TBC1D1: variants seen among roughly 807,000 people sequenced by gnomAD.
TBC1D1 encodes TBC1 (tre-2/USP6, BUB2, cdc16) domain family, member 1.
A neutral mutation model predicts 125.6 loss-of-function variants in TBC1D1; 89 were observed. The observed-to-expected ratio is 0.71, with a 90% confidence interval of 0.60 to 0.85. The LOEUF is 0.85. TBC1D1 is among the 40% of genes least tolerant of loss of function. TBC1D1 has a pLI of 0.00. For missense variants in TBC1D1, 1,377 were observed against 1,469.2 expected (o/e 0.94, Z 1.03); for synonymous variants, 565 against 564.1 (o/e 1.00, Z -0.02).
At chr4:38,041,650 C>T (rs1429848057) in intron 8 of TBC1D1, among the ~76,000 whole-genome samples, 1 of 152,132 alleles carries the variant, frequency 6.6e-6, no homozygotes, top group East Asian at 1.9e-4. Flanking sequence ...AATTTGTCAA[C>T]AGGAATAAAT....
At chr4:37,933,660 C>T (rs1014407568) in intron 2 of TBC1D1, among the ~76,000 whole-genome samples, 2 of 152,148 alleles carry the variant, frequency 1.3e-5, no homozygotes, top group African/African-American at 4.8e-5. Flanking sequence ...CTTTCAGTAA[C>T]TATGAGTAGC....
intron 1 of TBC1D1, among the ~76,000 whole-genome samples, chr4:37,901,001 G>C (rs1715851638): frequency 6.6e-6 from 1 of 151,714 alleles, no homozygotes; most frequent in Non-Finnish European, 1.5e-5. Flanking sequence ...GAACCCAGGG[G>C]GTGGAGGTTG....
intron 8 of TBC1D1, 32 bp downstream of exon 8, chr4:38,035,730 C>A: frequency 6.7e-7 from 1 of 1,493,374 alleles, no homozygotes; most frequent in South Asian, 1.2e-5. Context: ...TAATTGTTGC[C>A]AAGTCTCTGC....
At chr4:38,015,141 C>T (rs557028577) in intron 3 of TBC1D1, among the ~76,000 whole-genome samples, 168 bp downstream of exon 3, 13 of 152,294 alleles carry the variant, frequency 8.5e-5, no homozygotes, top group African/African-American at 3.1e-4. Context: ...TTCCTTTAGC[C>T]ATAAGCCTTT....
intron 18 of TBC1D1, among the ~76,000 whole-genome samples, chr4:38,129,455 A>G (rs13119350): frequency 0.12 from 18,597 of 152,242 alleles, 1,247 homozygotes; most frequent in Admixed American, 0.22. Flanking sequence ...AATAACAAGC[A>G]GAGGGACTTT....
intron 12 of TBC1D1, among the ~76,000 whole-genome samples, chr4:38,058,914 T>C (rs1160348338): frequency 6.6e-6 from 1 of 151,932 alleles, no homozygotes; most frequent in Non-Finnish European, 1.5e-5. Flanking sequence ...TAACTAAATA[T>C]AGTGTAAAAA....
rs1181187488 is a variant in TBC1D1 at position 38,137,022 on chromosome 4, C to A, written c.3307-113C>A. 5.2e-6 allele frequency: 8 copies of A among 1,534,670 alleles called. No individual in the cohort carries two copies. In the African/African-American group the frequency reaches 5.5e-5, roughly 10 times the overall value. On this transcript the variant is annotated intron_variant, in intron 19 of 19. Transcript: ENST00000261439. ...AACTGATGATAAACTGTAGACTCAT[C>A]CCTGCTGAAACTCGGCTCCAGAGTG...
chr4:38,038,762 A>T (rs1371632517), intron 8 of TBC1D1, among the ~76,000 whole-genome samples: 1 of 151,914 alleles, frequency 6.6e-6, no homozygotes, highest in Non-Finnish European at 1.5e-5. Context: ...CCTGGCTAAC[A>T]CAGTGAAAGC....
Position 38,066,173 on chromosome 4 carries a change from T to G in TBC1D1, c.2050+11835T>G, listed in dbSNP as rs554764764. 1.1e-3 allele frequency among the ~76,000 whole-genome samples: 160 copies of G among 152,286 alleles called. 2 individuals are homozygous for G. Among genetic ancestry groups the G allele is most frequent in the African/African-American group, 3.7e-3 (153 of 41,562 alleles). The stretch of plus-strand genomic sequence containing the variant: ...GTGCTTGTACAGTAATGGGCTGTGT[T>G]AGTGTGAAGGAATGTATCTTATGTT... On this transcript the variant is annotated intron_variant, in intron 12 of 19. Coordinates refer to ENST00000261439, the MANE Select transcript of TBC1D1 (RefSeq NM_015173.4).
chr4:37,981,620 G>A (rs999531873), intron 2 of TBC1D1, among the ~76,000 whole-genome samples: 8 of 152,174 alleles, frequency 5.3e-5, no homozygotes, highest in Admixed American at 2.0e-4. Context: ...TGGTGAGAGG[G>A]CAGGAAACAT....
intron 2 of TBC1D1, among the ~76,000 whole-genome samples, chr4:37,987,870 A>C (rs1735771271): frequency 1.3e-5 from 2 of 152,226 alleles, no homozygotes; most frequent in Non-Finnish European, 2.9e-5. Context: ...TTTCATAGTT[A>C]TTCAGCTTAC....
chr4:38,024,661 TAGA>T (rs760599005), intron 6 of TBC1D1, among the ~76,000 whole-genome samples: 10 of 152,238 alleles, frequency 6.6e-5, no homozygotes, highest in African/African-American at 2.4e-4. Flanking sequence ...GCATTGTTAG[TAGA>T]AGAAGTGCTA....
chr4:37,967,255 G>A (rs1467938224), intron 2 of TBC1D1, among the ~76,000 whole-genome samples: 1 of 152,180 alleles, frequency 6.6e-6, no homozygotes. Context: ...TGCACTTTGG[G>A]AGGGCGAGGC....
chr4:37,952,139 A>G (rs1728010122), intron 2 of TBC1D1: 1 of 713,528 alleles, frequency 1.4e-6, no homozygotes, highest in Non-Finnish European at 2.6e-6. Flanking sequence ...AGTCATGATG[A>G]ACCCAGCAGC....
chr4:38,126,879 A>G (rs1313891334), intron 18 of TBC1D1, among the ~76,000 whole-genome samples: 2 of 152,182 alleles, frequency 1.3e-5, no homozygotes, highest in Non-Finnish European at 1.5e-5. Context: ...TACACTGCCA[A>G]GAGCCTCTGG....
chr4:38,057,066 T>C (rs1397989205), intron 12 of TBC1D1, among the ~76,000 whole-genome samples: 1 of 152,126 alleles, frequency 6.6e-6, no homozygotes, highest in East Asian at 1.9e-4. Flanking sequence ...TAATCACCCC[T>C]GATTCATCAG....
chr4:38,016,509 CACTT>C (rs1742752867), intron 3 of TBC1D1, among the ~76,000 whole-genome samples: 1 of 152,232 alleles, frequency 6.6e-6, no homozygotes, highest in Admixed American at 6.5e-5. Context: ...ATAGCAGCCT[CACTT>C]CCTGCTTTTT....
chr4:37,983,148 G>GAGTCTC (rs1734717256), intron 2 of TBC1D1, among the ~76,000 whole-genome samples: 1 of 144,756 alleles, frequency 6.9e-6, no homozygotes, highest in Non-Finnish European at 1.5e-5. Context: ...TTTTCAGACG[G>GAGTCTC]AGTCTCGCTC....
chr4:37,923,319 G>A (rs991877422), intron 2 of TBC1D1, among the ~76,000 whole-genome samples: 1 of 152,180 alleles, frequency 6.6e-6, no homozygotes, highest in Non-Finnish European at 1.5e-5. Context: ...ACTCCATGGT[G>A]TATATGTGCC....
Sources: allele counts gnomAD v4.1 joint callset (sites outside exome capture counted in the v4.1 genomes callset), GRCh38; gene constraint gnomAD v4.1.1; transcripts MANE v1.5; gene names NCBI Gene and HGNC (gene_info 2026-07-23, HGNC 2026-07-21).